The following RNF130 variants were observed in gnomAD, a reference collection of about 807,000 sequenced individuals.
The protein encoded by RNF130 is ring finger protein 130, also known as E3 ubiquitin-protein ligase RNF130.
RNF130 carries 21 observed loss-of-function variants against 44.6 expected under a neutral mutation model. The ratio of observed to expected loss-of-function variants is 0.47; its 90% CI spans 0.33 to 0.68. The LOEUF (loss-of-function observed/expected upper bound fraction) is 0.68. Among genes scored for constraint, RNF130 ranks in the 30% least tolerant of loss-of-function variants. The pLI is 0.02. For synonymous variants in RNF130, 214 were observed against 210.4 expected (o/e 1.02, Z -0.15); for missense variants, 479 against 560.6 (o/e 0.85, Z 1.47).
chr5:179,923,471 G>A lies in RNF130; in HGVS notation c.1151-3045C>T, dbSNP rs552940838. ...TATATATTTTAAGTTCGGCCTAAAGGTTTCTCCATACACAGTGAACTGTCA... is the reference window on the plus strand; with the variant it reads ...TATATATTTTAAGTTCGGCCTAAAGATTTCTCCATACACAGTGAACTGTCA... On this transcript the variant is annotated intron_variant, in intron 7 of 7. Coordinates refer to the RNF130 transcript ENST00000522208. Among the ~76,000 whole-genome samples the A allele has an allele frequency of 1.2e-3, 177 of 152,258 alleles. 1 individual carries two copies. Among genetic ancestry groups the A allele is most frequent in the African/African-American group, 4.0e-3 (168 of 41,524 alleles).
In RNF130 at chr5:180,071,728, C is replaced by G; in HGVS notation, c.-26G>C. 8.2e-7 allele frequency: 1 copy of G among 1,220,358 alleles called. No individual in the cohort carries two copies. 75.6% of individuals were successfully genotyped at this position (1,220,358 alleles called of 1,614,324 possible). A position where few individuals can be genotyped will look rare whatever the true frequency, so the allele number is the denominator to read the frequency against. On this transcript the variant is annotated 5_prime_UTR_variant, in exon 1 of 9. Coordinates refer to ENST00000521389, the MANE Select transcript of RNF130 (RefSeq NM_018434.6). ...CGTCCCTCCGGCAGCCGCCGCTGCT[C>G]GCGGACCGGGCTCCGGGGCCGGCGC...
downstream of RNF130, among the ~76,000 whole-genome samples, chr5:179,953,575 GC>G (rs1392093874): frequency 6.6e-6 from 1 of 152,102 alleles, no homozygotes; most frequent in African/African-American, 2.4e-5. Context: ...ATATCCACAT[GC>G]AAAAGAATGA....
At chr5:179,960,286 T>C (rs957568088) in intron 8 of RNF130, among the ~76,000 whole-genome samples, 6 of 152,216 alleles carry the variant, frequency 3.9e-5, no homozygotes, top group African/African-American at 1.4e-4. Context: ...TTGACTACCA[T>C]CCTGTTTATA....
intron 3 of RNF130, among the ~76,000 whole-genome samples, chr5:180,009,566 A>G (rs1476004622): frequency 6.6e-6 from 1 of 152,222 alleles, no homozygotes; most frequent in Non-Finnish European, 1.5e-5. Context: ...CAAGAGATGA[A>G]AACACCAAGT....
At chr5:180,039,808 T>A (rs547520685) in intron 2 of RNF130, among the ~76,000 whole-genome samples, 1 of 152,344 alleles carries the variant, frequency 6.6e-6, no homozygotes, top group East Asian at 1.9e-4. Context: ...AACTAGGGTG[T>A]GAGCCCTCTT....
chr5:180,066,475 A>G (rs917466656), intron 1 of RNF130, among the ~76,000 whole-genome samples: 10 of 152,082 alleles, frequency 6.6e-5, no homozygotes, highest in Admixed American at 3.9e-4. Flanking sequence ...ATACTCCCCA[A>G]CATGAGGGAC....
intron 2 of RNF130, among the ~76,000 whole-genome samples, chr5:180,033,717 G>C (rs111551681): frequency 2.2e-4 from 34 of 151,840 alleles, no homozygotes; most frequent in African/African-American, 7.5e-4. Flanking sequence ...AAGAGAGAGA[G>C]AGAGAAATAC....
At chr5:180,066,434 C>T (rs1218700519) in intron 1 of RNF130, among the ~76,000 whole-genome samples, 1 of 152,148 alleles carries the variant, frequency 6.6e-6, no homozygotes, top group African/African-American at 2.4e-5. Context: ...AGCATGAAAA[C>T]AGACTAATAT....
chr5:179,962,914 C>T (rs1234518890), intron 8 of RNF130, among the ~76,000 whole-genome samples: 4 of 152,182 alleles, frequency 2.6e-5, no homozygotes, highest in Admixed American at 2.0e-4. Flanking sequence ...GCTCTTTGGT[C>T]GCCATTTTGC....
intron 7 of RNF130, among the ~76,000 whole-genome samples, chr5:179,945,397 C>G (rs1762022595): frequency 6.6e-6 from 1 of 152,164 alleles, no homozygotes; most frequent in South Asian, 2.1e-4. Context: ...GCGTTCCTAT[C>G]ATCAGTGCTA....
chr5:179,933,430 G>GTGTGTGTGT (rs1582127219), intron 7 of RNF130, among the ~76,000 whole-genome samples: 1 of 151,416 alleles, frequency 6.6e-6, no homozygotes, highest in Non-Finnish European at 1.5e-5. Flanking sequence ...GTGAGTGTGT[G>GTGTGTGTGT]GTAAAAAGCA....
intron 3 of RNF130, among the ~76,000 whole-genome samples, chr5:180,004,671 C>T (rs779248861): frequency 1.8e-4 from 28 of 152,210 alleles, no homozygotes; most frequent in Non-Finnish European, 2.8e-4. Context: ...ACAATTCTTA[C>T]GGCTTAATCT....
chr5:179,975,348 A>G (rs879315746), intron 5 of RNF130, among the ~76,000 whole-genome samples: 57 of 152,204 alleles, frequency 3.7e-4, no homozygotes, highest in Middle Eastern at 3.4e-3. Flanking sequence ...GGTTGTCACA[A>G]CTGTGTGTGG....
intron 3 of RNF130, among the ~76,000 whole-genome samples, chr5:179,990,733 T>C (rs1246606920): frequency 6.6e-6 from 1 of 152,238 alleles, no homozygotes; most frequent in Non-Finnish European, 1.5e-5. Context: ...CTGGTGGCCC[T>C]GTCTGGGCGT....
At chr5:180,016,343 C>CAGGAGGGAT (rs67369864) in intron 2 of RNF130, among the ~76,000 whole-genome samples, 19 of 5,662 alleles carry the variant, frequency 3.4e-3, no homozygotes, top group African/African-American at 5.6e-3. Context: ...GGCCCAGTTT[C>CAGGAGGGAT]ACGCCAAAGG....
intron 3 of RNF130, among the ~76,000 whole-genome samples, chr5:179,986,328 C>T (rs180811144): frequency 3.9e-5 from 6 of 152,316 alleles, no homozygotes; most frequent in African/African-American, 1.4e-4. Flanking sequence ...ATCTATGGTA[C>T]AAATCAAGCA....
chr5:179,997,865 CAG>C (rs1189525197), intron 3 of RNF130, among the ~76,000 whole-genome samples: 1 of 151,936 alleles, frequency 6.6e-6, no homozygotes, highest in African/African-American at 2.4e-5. Context: ...TTTTTTGAGA[CAG>C]AGTCTTGCTC....
intron 2 of RNF130, among the ~76,000 whole-genome samples, chr5:180,015,758 G>A (rs907984939): frequency 1.3e-5 from 2 of 149,880 alleles, no homozygotes; most frequent in Admixed American, 1.3e-4. Flanking sequence ...GAAAGGAGTA[G>A]GGAAAGGAGT....
chr5:179,943,040 CAAA>C (rs1384227854), intron 7 of RNF130, among the ~76,000 whole-genome samples: 2 of 152,132 alleles, frequency 1.3e-5, no homozygotes, highest in Non-Finnish European at 2.9e-5. Context: ...ACTAAAAACA[CAAA>C]AATTAGTTGG....
Sources: allele counts gnomAD v4.1 joint callset (sites outside exome capture counted in the v4.1 genomes callset), GRCh38; gene constraint gnomAD v4.1.1; transcripts MANE v1.5; gene names NCBI Gene and HGNC (gene_info 2026-07-23, HGNC 2026-07-21).